MYO16: variants seen among roughly 807,000 people sequenced by gnomAD.
MYO16 encodes unconventional myosin-XVI.
Under a neutral mutation model 205.3 loss-of-function variants are expected in MYO16, and 94 were observed. The observed-to-expected ratio is 0.46, with a 90% confidence interval of 0.39 to 0.54. The LOEUF is 0.54. Ranked by LOEUF, MYO16 falls within the 20% of genes least tolerant of loss-of-function variation. MYO16 has a pLI of 0.00. For missense variants in MYO16, 2,315 were observed against 2,387.5 expected, an observed-to-expected ratio of 0.97 and a Z score of 0.63; for synonymous variants, 988 against 954.0, an observed-to-expected ratio of 1.04 and a Z score of -0.66.
intron 34 of MYO16, among the ~76,000 whole-genome samples, chr13:109,204,629 T>C (rs1014294801): frequency 1.8e-4 from 28 of 152,234 alleles, no homozygotes; most frequent in African/African-American, 6.5e-4. Flanking sequence ...GCTAAAAGCA[T>C]ATCTTCTTTT....
intron 28 of MYO16, among the ~76,000 whole-genome samples, chr13:109,114,234 C>T (rs1281381366): frequency 6.6e-6 from 1 of 152,102 alleles, no homozygotes; most frequent in Non-Finnish European, 1.5e-5. Flanking sequence ...CACAGACCAC[C>T]GTCACCGACA....
chr13:108,784,977 T>A (rs1044829493), intron 4 of MYO16, among the ~76,000 whole-genome samples: 10 of 152,078 alleles, frequency 6.6e-5, no homozygotes, highest in African/African-American at 2.2e-4. Flanking sequence ...TGAAACAGAG[T>A]GCCCAGAGGT....
At chr13:108,726,557 CA>C (rs756271184) in intron 3 of MYO16, among the ~76,000 whole-genome samples, 165 of 108,204 alleles carry the variant, frequency 1.5e-3, no homozygotes, top group Middle Eastern at 4.1e-3. Context: ...GACTCTGTTT[CA>C]AAAAAAAAAA....
At chr13:108,973,573 G>T (rs535315842) in intron 20 of MYO16, among the ~76,000 whole-genome samples, 16 of 152,250 alleles carry the variant, frequency 1.1e-4, no homozygotes, top group African/African-American at 3.9e-4. Flanking sequence ...GTGTCCCCAA[G>T]TCCGACTGAG....
chr13:109,112,190 G>A (rs1402306986), intron 28 of MYO16, among the ~76,000 whole-genome samples: 1 of 152,072 alleles, frequency 6.6e-6, no homozygotes, highest in Non-Finnish European at 1.5e-5. Context: ...AATAAAAAAG[G>A]GTTAGCTCAT....
intron 23 of MYO16, among the ~76,000 whole-genome samples, chr13:109,036,946 G>A (rs1886736492): frequency 6.6e-6 from 1 of 152,156 alleles, no homozygotes; most frequent in Non-Finnish European, 1.5e-5. Context: ...CCAAGCAGCT[G>A]CCCTGAGTGA....
chr13:109,095,617 A>G (rs960481579), intron 27 of MYO16, among the ~76,000 whole-genome samples: 4 of 152,238 alleles, frequency 2.6e-5, no homozygotes, highest in African/African-American at 9.6e-5. Context: ...CATCAGGTGC[A>G]TGATTTTTCA....
chr13:108,665,965 C>T lies in MYO16; in HGVS notation c.108C>T (p.Gly36=). The stretch of plus-strand genomic sequence containing the variant: ...GCTTGCTAGAGTCCCTTCCCCTTGG[C>T]CAACGGCAGCGTCTAGTGAAGCGCA... ...DQCLLESLPL[G]QRQRLVKRMR... is the part of the protein sequence containing the mutation. Residue 36 remains glycine (G), a synonymous_variant, in exon 2 of 35, where the codon GGC becomes GGT. Transcript: ENST00000457511. 6.2e-7 allele frequency: 1 copy of T among 1,614,132 alleles called. No individual in the cohort carries two copies. The highest frequency in any genetic ancestry group is 1.1e-5 in the South Asian group (1 of 91,086).
At chr13:108,526,808 A>G in the MYO16 span, among the ~76,000 whole-genome samples, 1 of 152,134 alleles carries the variant, frequency 6.6e-6, no homozygotes, top group Non-Finnish European at 1.5e-5. Flanking sequence ...GTTGGTCACT[A>G]CATCTGCTGA....
chr13:108,598,958 T>C (rs867911364), intron 1 of MYO16, among the ~76,000 whole-genome samples: 1 of 150,396 alleles, frequency 6.6e-6, no homozygotes, highest in South Asian at 2.1e-4. Context: ...TAACTCGTCA[T>C]TTAGCATTAG....
chr13:109,179,460 G>A (rs1446150880), intron 33 of MYO16, 82 bp from the exon 34 acceptor site: 1 of 834,976 alleles, frequency 1.2e-6, no homozygotes, highest in Non-Finnish European at 2.0e-6. Flanking sequence ...AACAATTCTA[G>A]TTTATTGTAA....
At chr13:108,635,295 C>T (rs1026524611) in intron 1 of MYO16, among the ~76,000 whole-genome samples, 4 of 152,064 alleles carry the variant, frequency 2.6e-5, no homozygotes, top group Admixed American at 1.3e-4. Flanking sequence ...ACTCCATCGT[C>T]GAAATATGGT....
At chr13:108,955,451 GC>G (rs1883311664) in intron 16 of MYO16, among the ~76,000 whole-genome samples, 2 of 152,114 alleles carry the variant, frequency 1.3e-5, no homozygotes, top group African/African-American at 4.8e-5. Flanking sequence ...AGCTCACATG[GC>G]CACCATGGTC....
chr13:108,854,605 G>A (rs112811330), intron 10 of MYO16, among the ~76,000 whole-genome samples: 3 of 151,900 alleles, frequency 2.0e-5, no homozygotes, highest in Admixed American at 6.5e-5. Flanking sequence ...TTTACTAGGA[G>A]TATCAAAGAA....
chr13:109,115,962 C>CAA (rs57436369), intron 28 of MYO16, among the ~76,000 whole-genome samples: 15 of 148,274 alleles, frequency 1.0e-4, no homozygotes, highest in South Asian at 6.5e-4. Context: ...TATAGCATCT[C>CAA]AAAAAAACAA....
intron 28 of MYO16, among the ~76,000 whole-genome samples, chr13:109,105,165 C>T (rs1182046143): frequency 6.6e-6 from 1 of 152,178 alleles, no homozygotes; most frequent in African/African-American, 2.4e-5. Context: ...GATGTGGATG[C>T]AAAGACATGT....
chr13:108,777,711 T>A (rs940579139), intron 4 of MYO16, among the ~76,000 whole-genome samples: 1 of 152,190 alleles, frequency 6.6e-6, no homozygotes, highest in African/African-American at 2.4e-5. Flanking sequence ...CCACTGTAAA[T>A]CTGAAATCTC....
intron 27 of MYO16, among the ~76,000 whole-genome samples, chr13:109,059,351 T>A (rs1887512248): frequency 6.6e-6 from 1 of 152,218 alleles, no homozygotes; most frequent in Non-Finnish European, 1.5e-5. Context: ...CATGGGCTGC[T>A]GAATGGATAC....
At chr13:108,871,532 C>T (rs756061087) in intron 12 of MYO16, among the ~76,000 whole-genome samples, 2 of 152,066 alleles carry the variant, frequency 1.3e-5, no homozygotes, top group African/African-American at 2.4e-5. Context: ...GTAGACAAAC[C>T]GCCTTGACCT....
Sources: allele counts gnomAD v4.1 joint callset (sites outside exome capture counted in the v4.1 genomes callset), GRCh38; gene constraint gnomAD v4.1.1; transcripts MANE v1.5; gene names NCBI Gene and HGNC (gene_info 2026-07-23, HGNC 2026-07-21).